The following RAD17 variants were observed in gnomAD, a reference collection of about 807,000 sequenced individuals.
RAD17 encodes RAD17 checkpoint clamp loader component, also known as cell cycle checkpoint protein RAD17.
RAD17 carries 31 observed loss-of-function variants against 81.5 expected under a neutral mutation model. The ratio of observed to expected loss-of-function variants is 0.38; its 90% CI spans 0.29 to 0.51. RAD17 has a LOEUF of 0.51. RAD17 is among the 20% of genes least tolerant of loss of function. The pLI is 0.88. For missense variants in RAD17, 681 were observed against 781.2 expected (o/e 0.87, Z 1.53); for synonymous variants, 261 against 266.2 (o/e 0.98, Z 0.19).
rs1368757439 is a variant in RAD17 at position 69,369,852 on chromosome 5, G to C, written c.-498G>C. ...AGAGGCTCGGCGTTGAGCCCGGGTA[G>C]GGCCAGGTGGCTGCCCTTTCACCTA... On this transcript the variant is annotated 5_prime_UTR_variant, in exon 1 of 19. Coordinates refer to ENST00000354868, the MANE Select transcript of RAD17 (RefSeq NM_133338.3). The C allele has an allele frequency of 1.3e-6, 1 of 760,548 alleles. No individual in the cohort carries two copies. Among genetic ancestry groups the C allele is most frequent in the African/African-American group, 1.8e-5 (1 of 55,990 alleles). 47.1% of individuals were successfully genotyped at this position (760,548 alleles called of 1,614,324 possible). A position where few individuals can be genotyped will look rare whatever the true frequency, so the allele number is the denominator to read the frequency against.
chr5:69,408,191 A>AT (rs892101232), intron 17 of RAD17, among the ~76,000 whole-genome samples: 4 of 152,026 alleles, frequency 2.6e-5, no homozygotes, highest in African/African-American at 9.6e-5. Flanking sequence ...TACAGTCATA[A>AT]TTTTTTGTTG....
intron 10 of RAD17, 29 bp downstream of exon 10, chr5:69,386,334 T>C (rs1433755039): frequency 1.9e-6 from 3 of 1,587,916 alleles, no homozygotes; most frequent in African/African-American, 1.4e-5. Context: ...CTTATAAAGG[T>C]CACATACATA....
chr5:69,413,449 GAAAA>G (rs2150901001), intron 18 of RAD17, among the ~76,000 whole-genome samples: 1 of 152,174 alleles, frequency 6.6e-6, no homozygotes, highest in Non-Finnish European at 1.5e-5. Context: ...TGAAAAAAAA[GAAAA>G]AAGAAAAATT....
At chr5:69,401,499 T>TA (rs17230180) in intron 17 of RAD17, among the ~76,000 whole-genome samples, 75,715 of 152,004 alleles carry the variant, frequency 0.5, 18,888 homozygotes, top group South Asian at 0.54. Context: ...ATTAATAGTA[T>TA]TTTTCATTAT....
chr5:69,385,788 G>T (rs1233088758), intron 8 of RAD17, among the ~76,000 whole-genome samples: 2 of 152,086 alleles, frequency 1.3e-5, no homozygotes, highest in Non-Finnish European at 2.9e-5. Context: ...AAAAACAAAA[G>T]AAAAGTTTGG....
At chr5:69,396,040 GT>G (rs1489894751) in intron 15 of RAD17, among the ~76,000 whole-genome samples, 9 of 152,134 alleles carry the variant, frequency 5.9e-5, no homozygotes, top group Non-Finnish European at 1.3e-4. Flanking sequence ...TAACTAATTA[GT>G]TACATTAACT....
chr5:69,376,163 A>C (rs955348472), intron 6 of RAD17, among the ~76,000 whole-genome samples: 1 of 152,158 alleles, frequency 6.6e-6, no homozygotes, highest in Non-Finnish European at 1.5e-5. Flanking sequence ...GAAAGTCAAA[A>C]ATCTTCATTG....
upstream of RAD17, chr5:69,369,296 C>T (rs1762731272): frequency 1.6e-6 from 1 of 638,902 alleles, no homozygotes; most frequent in Non-Finnish European, 2.4e-6. Context: ...CCTCGCCTCC[C>T]GCAACGCCCG....
At chr5:69,380,306 G>T (rs1441712141) in intron 6 of RAD17, among the ~76,000 whole-genome samples, 1 of 152,050 alleles carries the variant, frequency 6.6e-6, no homozygotes, top group Non-Finnish European at 1.5e-5. Context: ...TGAGATATAC[G>T]TGTTACACTT....
At position 69,374,039 on chromosome 5, in the gene RAD17, T is replaced by C; in HGVS notation, c.219T>C (p.Tyr73=). 1 of 1,611,254 alleles carries C rather than the reference T, an allele frequency of 6.2e-7. No individual in the cohort carries two copies. Among genetic ancestry groups the C allele is most frequent in the Non-Finnish European group, 8.5e-7 (1 of 1,178,162 alleles). Residue 73 remains tyrosine, a synonymous_variant, in exon 5 of 19, where the codon TAT becomes TAC. Coordinates refer to ENST00000354868, the MANE Select transcript of RAD17 (RefSeq NM_133338.3). ...QIYGLENSKE[Y]LSENEPWVDK... is the part of the protein sequence containing the mutation. Reference sequence around the variant, plus strand: ...ATGGTTTAGAAAATTCAAAAGAATATCTGTCTGAAAATGAACCATGGGTGG... The same window carrying C: ...ATGGTTTAGAAAATTCAAAAGAATACCTGTCTGAAAATGAACCATGGGTGG...
chr5:69,402,274 C>A (rs1350647949), intron 17 of RAD17, among the ~76,000 whole-genome samples: 1 of 151,762 alleles, frequency 6.6e-6, no homozygotes, highest in East Asian at 2.0e-4. Flanking sequence ...TGATCTCGAA[C>A]TCCTGGCCTT....
rs772053764 is a variant in RAD17, at chr5:69,386,492, C to G, written c.894+27C>G. The G allele has an allele frequency of 2.0e-6, 3 of 1,536,416 alleles. No homozygotes were observed. In the Admixed American group the frequency reaches 6.6e-5, roughly 34 times the overall value. On this transcript the variant is annotated intron_variant, in intron 11 of 18. Coordinates refer to ENST00000354868, the MANE Select transcript of RAD17 (RefSeq NM_133338.3). ...TAAGTCTCTGATTAATTAAACCTTACTCGATAACTATAGAAAGCCTAGCTT... is the reference window on the plus strand; with the variant it reads ...TAAGTCTCTGATTAATTAAACCTTAGTCGATAACTATAGAAAGCCTAGCTT...
chr5:69,389,036 T>A lies in RAD17; in HGVS notation c.897T>A (p.Asn299Lys), dbSNP rs750486624. 1 of 1,460,538 alleles carries A rather than the reference T, an allele frequency of 6.8e-7. No homozygotes were observed. Among genetic ancestry groups the A allele is most frequent in the East Asian group, 2.5e-5 (1 of 40,304 alleles). The allele number at this position is 1,460,538 out of a possible 1,614,324, so 90.5% of individuals were successfully genotyped here. A position where few individuals can be genotyped will look rare whatever the true frequency, so the allele number is the denominator to read the frequency against. The change falls in exon 12 of 19, where the codon AAT (asparagine) becomes AAA (lysine). Residue 299 changes from asparagine to lysine, a missense_variant and splice_region_variant. Asn to Lys is a moderately conservative substitution (Grantham distance 94). Coordinates refer to ENST00000354868, the MANE Select transcript of RAD17 (RefSeq NM_133338.3). Reference sequence around the variant, plus strand: ...TAAATTTAATTTTCTTATTTTAGAATGGAGGAAAAATTACTGTCCCTGACA... The same window carrying A: ...TAAATTTAATTTTCTTATTTTAGAAAGGAGGAAAAATTACTGTCCCTGACA... ...NRIVTIEANK[N>K]GGKITVPDKT...
intron 3 of RAD17, 34 bp downstream of exon 3, chr5:69,371,591 C>G (rs1272476300): frequency 7.9e-7 from 1 of 1,259,262 alleles, no homozygotes; most frequent in East Asian, 2.7e-5. Flanking sequence ...GTAATAATTG[C>G]CTTAAAATAA....
chr5:69,376,539 A>G (rs1763343894), intron 6 of RAD17, among the ~76,000 whole-genome samples: 1 of 152,214 alleles, frequency 6.6e-6, no homozygotes, highest in Admixed American at 6.5e-5. Flanking sequence ...GGTAGAAGGT[A>G]CAGAGATGTA....
At chr5:69,384,567 C>T (rs958348704) in intron 7 of RAD17, among the ~76,000 whole-genome samples, 1 of 152,154 alleles carries the variant, frequency 6.6e-6, no homozygotes, top group African/African-American at 2.4e-5. Context: ...CCACCTGCCT[C>T]GGCCTCCCAA....
intron 16 of RAD17, among the ~76,000 whole-genome samples, chr5:69,398,880 A>AAC (rs1225328345): frequency 6.7e-6 from 1 of 149,772 alleles, no homozygotes; most frequent in Non-Finnish European, 1.5e-5. Context: ...AAAAAAAAAA[A>AAC]AAAAAAAAGA....
At chr5:69,386,970 G>A (rs1176409457) in intron 11 of RAD17, among the ~76,000 whole-genome samples, 1 of 150,100 alleles carries the variant, frequency 6.7e-6, no homozygotes, top group Non-Finnish European at 1.5e-5. Context: ...TGTTGCTCAG[G>A]CTGGACTGCA....
chr5:69,412,659 C>T (rs556617516), intron 18 of RAD17, among the ~76,000 whole-genome samples: 107 of 152,212 alleles, frequency 7.0e-4, no homozygotes, highest in African/African-American at 2.2e-3. Context: ...CCCTTGCCAC[C>T]ACTGGGTTTT....
Sources: allele counts gnomAD v4.1 joint callset (sites outside exome capture counted in the v4.1 genomes callset), GRCh38; gene constraint gnomAD v4.1.1; transcripts MANE v1.5; gene names NCBI Gene and HGNC (gene_info 2026-07-23, HGNC 2026-07-21).